Variants in SEC24D observed in about 807,000 individuals in gnomAD.
SEC24D encodes protein transport protein Sec24D.
In SEC24D, 69 loss-of-function variants were observed where a neutral mutation model predicts 116.9. The observed-to-expected ratio is 0.59, with a 90% CI of 0.49 to 0.72. The LOEUF is 0.72. Ranked by LOEUF, SEC24D falls within the 30% of genes least tolerant of loss-of-function variation. The pLI is 0.00. For missense variants in SEC24D, 1,131 were observed against 1,264.1 expected (o/e 0.89, Z 1.60); for synonymous variants, 405 against 442.8 (o/e 0.91, Z 1.07).
chr4:118,827,101 A>T (rs1013370882), intron 2 of SEC24D, among the ~76,000 whole-genome samples: 1 of 152,196 alleles, frequency 6.6e-6, no homozygotes, highest in Non-Finnish European at 1.5e-5. Flanking sequence ...CCAGTTAGAA[A>T]GCAAAGCTTG....
At chr4:118,790,400 T>C (rs1023166718) in intron 8 of SEC24D, among the ~76,000 whole-genome samples, 3 of 152,148 alleles carry the variant, frequency 2.0e-5, no homozygotes, top group Non-Finnish European at 4.4e-5. Context: ...ATTAAATTAG[T>C]TATAATCTTC....
rs1323270931 is a variant in SEC24D at position 118,836,035 on chromosome 4, C to A, written c.-136G>T. The A allele has an allele frequency of 6.6e-6, 1 of 152,216 alleles. No homozygotes were observed. The highest frequency in any genetic ancestry group is 1.5e-5 in the Non-Finnish European group (1 of 68,070). The allele number at this position is 152,216 out of a possible 1,614,324, so 9.4% of individuals were successfully genotyped here. A position where few individuals can be genotyped will look rare whatever the true frequency, so the allele number is the denominator to read the frequency against. ...GGTGGCCGGGCTCCCGCTGCGGTCG[C>A]TTCTCCCGCCGCGCCTCTTCCCCGG... On this transcript the variant is annotated 5_prime_UTR_variant, in exon 1 of 23. Transcript: ENST00000280551.
Position 118,740,768 on chromosome 4 carries a change from G to A in SEC24D, c.2133C>T (p.Asn711=). The A allele has an allele frequency of 6.2e-7, 1 of 1,613,880 alleles. No individual in the cohort carries two copies. The highest frequency in any genetic ancestry group is 1.1e-5 in the South Asian group (1 of 91,076). Residue 711 remains asparagine, a synonymous_variant, in exon 17 of 23, where the codon AAC becomes AAT. Transcript: ENST00000280551. ...ATDFFGGILM[N]NTTDVEMAAI... ...CAGCCATTTCTACATCGGTGGTGTT[G>A]TTCATCAAGATTCCACCAAAGAAAT...
At chr4:118,786,169 TC>T (rs1560695797) in intron 8 of SEC24D, among the ~76,000 whole-genome samples, 1 of 152,174 alleles carries the variant, frequency 6.6e-6, no homozygotes, top group Non-Finnish European at 1.5e-5. Flanking sequence ...GTCACCACAT[TC>T]ATGACAATGC....
Position 118,728,576 on chromosome 4 carries a change from C to T in SEC24D, c.2943G>A (p.Arg981=), listed in dbSNP as rs778296310. The change falls in exon 22 of 23, where the codon AGG becomes AGA. Residue 981 remains arginine, a synonymous_variant. Transcript: ENST00000280551. ...GCTTTCTTACCTTCATTGAATATGG[C>T]CTCTTTTGTTGGATAATACCCATTA... ...RMIMGIIQQK[R]PYSMKLTIVK... is the part of the protein sequence containing the mutation. 6.3e-7 allele frequency: 1 copy of T among 1,599,442 alleles called. No individual in the cohort carries two copies. The highest frequency in any genetic ancestry group is 8.5e-7 in the Non-Finnish European group (1 of 1,171,516).
intron 6 of SEC24D, among the ~76,000 whole-genome samples, chr4:118,813,670 A>T (rs1288063232): frequency 6.6e-6 from 1 of 152,238 alleles, no homozygotes; most frequent in Non-Finnish European, 1.5e-5. Flanking sequence ...ACACTGCCAC[A>T]CTGGAGATTA....
At chr4:118,799,247 C>G (rs568411330) in intron 7 of SEC24D, among the ~76,000 whole-genome samples, 3 of 152,238 alleles carry the variant, frequency 2.0e-5, no homozygotes, top group Middle Eastern at 3.4e-3. Flanking sequence ...GCGTGATGGT[C>G]AAGAACGACT....
intron 3 of SEC24D, 101 bp from the exon 4 acceptor site, chr4:118,817,513 T>A: frequency 1.0e-6 from 1 of 985,992 alleles, no homozygotes; most frequent in Non-Finnish European, 1.4e-6. Flanking sequence ...GCCTGTCTAG[T>A]AGGCCTAGGA....
intron 19 of SEC24D, among the ~76,000 whole-genome samples, chr4:118,736,811 T>C (rs1467727959): frequency 6.6e-6 from 1 of 152,254 alleles, no homozygotes; most frequent in African/African-American, 2.4e-5. Flanking sequence ...TATCAACTTA[T>C]TCAGAGAAAA....
chr4:118,783,581 C>T (rs1019144323), intron 8 of SEC24D, among the ~76,000 whole-genome samples: 5 of 152,146 alleles, frequency 3.3e-5, no homozygotes, highest in African/African-American at 1.2e-4. Context: ...AATAAGGTGA[C>T]ATAAAGTTTT....
At chr4:118,733,811 C>A (rs929527745) in intron 19 of SEC24D, among the ~76,000 whole-genome samples, 1 of 151,568 alleles carries the variant, frequency 6.6e-6, no homozygotes, top group African/African-American at 2.4e-5. Context: ...ATTTCTTTAC[C>A]CTCAATTAAT....
At chr4:118,800,181 T>C (rs1315300701) in intron 7 of SEC24D, among the ~76,000 whole-genome samples, 1 of 152,112 alleles carries the variant, frequency 6.6e-6, no homozygotes, top group Non-Finnish European at 1.5e-5. Context: ...GAAAGGAGGA[T>C]GTAAAGCAGC....
intron 8 of SEC24D, among the ~76,000 whole-genome samples, chr4:118,774,397 A>T (rs1200220419): frequency 6.6e-6 from 1 of 152,166 alleles, no homozygotes; most frequent in Non-Finnish European, 1.5e-5. Context: ...TTATGATCTT[A>T]TGGTCACTTG....
chr4:118,734,031 T>C (rs1369526859), intron 19 of SEC24D, among the ~76,000 whole-genome samples: 1 of 151,494 alleles, frequency 6.6e-6, no homozygotes, highest in African/African-American at 2.4e-5. Context: ...TAAATCAATA[T>C]TGTTAGAATA....
At chr4:118,763,680 GAC>G (rs1422533268) in intron 10 of SEC24D, among the ~76,000 whole-genome samples, 1 of 152,142 alleles carries the variant, frequency 6.6e-6, no homozygotes, top group Non-Finnish European at 1.5e-5. Context: ...TGTGACACTG[GAC>G]AAGGGAAATG....
chr4:118,752,015 G>C lies in SEC24D; in HGVS notation c.1688C>G (p.Ala563Gly), dbSNP rs1289408869. Residue 563 changes from alanine (A) to glycine (G), a missense_variant, in exon 13 of 23, where the codon GCT becomes GGT. By Grantham distance (60) the Ala-to-Gly change is moderately conservative (BLOSUM62 0). Coordinates refer to ENST00000280551, the MANE Select transcript of SEC24D (RefSeq NM_014822.4). ...TCTCACCTTTAGTGCTTCCATGCCAGCCTGGATGACAGGAGCAAAGACAGT... is the reference window on the plus strand; with the variant it reads ...TCTCACCTTTAGTGCTTCCATGCCACCCTGGATGACAGGAGCAAAGACAGT... ...NETVFAPVIQ[A>G]GMEALKAADC... 1 of 1,612,356 alleles carries C rather than the reference G, an allele frequency of 6.2e-7. No individual in the cohort carries two copies. Among genetic ancestry groups the C allele is most frequent in the Non-Finnish European group, 8.5e-7 (1 of 1,178,742 alleles).
At chr4:118,824,537 C>T in intron 3 of SEC24D, 83 bp downstream of exon 3, 2 of 1,446,864 alleles carry the variant, frequency 1.4e-6, no homozygotes, top group East Asian at 2.4e-5. Context: ...AACTTTCAAC[C>T]AATAAACATA....
Position 118,740,747 on chromosome 4 carries a change from C to G in SEC24D, c.2154G>C (p.Met718Ile), listed in dbSNP as rs199809201. The G allele has an allele frequency of 3.1e-5, 50 of 1,613,920 alleles. No homozygotes were observed. The African/African-American group carries it at 6.3e-4, about 20-fold the overall frequency. The change falls in exon 17 of 23, where the codon ATG becomes ATC. Residue 718 changes from methionine (M) to isoleucine (I), a missense_variant. Transcript: ENST00000280551. ...ILMNNTTDVE[M>I]AAIDCDKAVT... is the part of the protein sequence containing the mutation. Reference sequence around the variant, plus strand: ...CTGCCTTGTCACAATCGATGGCAGCCATTTCTACATCGGTGGTGTTGTTCA... The same window carrying G: ...CTGCCTTGTCACAATCGATGGCAGCGATTTCTACATCGGTGGTGTTGTTCA...
intron 4 of SEC24D, among the ~76,000 whole-genome samples, chr4:118,816,559 T>C (rs1730157344): frequency 6.6e-6 from 1 of 152,234 alleles, no homozygotes; most frequent in Non-Finnish European, 1.5e-5. Context: ...TGTTTTCCTT[T>C]CTCTGATTAT....
Sources: gnomAD v4.1 joint callset for allele counts (sites outside exome capture counted in the v4.1 genomes callset) on GRCh38, gnomAD v4.1.1 for gene constraint, MANE v1.5 for transcripts, NCBI Gene and HGNC (gene_info 2026-07-23, HGNC 2026-07-21) for gene names.